Variants in MRAP2 observed in about 807,000 individuals in gnomAD.
MRAP2 encodes melanocortin 2 receptor accessory protein 2.
In MRAP2, 20 loss-of-function variants were observed where a neutral mutation model predicts 17.4. That is an observed-to-expected ratio of 1.15 (90% CI 0.81 to 1.67). MRAP2 has a LOEUF of 1.67. Among genes scored for constraint, MRAP2 ranks in the 40% most tolerant of loss-of-function variants. MRAP2 has a pLI of 0.00. For missense variants in MRAP2, 238 were observed against 240.0 expected (o/e 0.99, Z 0.05); for synonymous variants, 96 against 88.4 (o/e 1.09, Z -0.48).
chr6:84,130,279 T>C, the MRAP2 span, among the ~76,000 whole-genome samples: 11 of 152,218 alleles, frequency 7.2e-5, no homozygotes, highest in Non-Finnish European at 1.3e-4. Context: ...TTGAGGATTT[T>C]TGCATTGATG....
chr6:84,080,465 G>C (rs1382198501), intron 3 of MRAP2, among the ~76,000 whole-genome samples: 1 of 152,150 alleles, frequency 6.6e-6, no homozygotes, highest in Non-Finnish European at 1.5e-5. Flanking sequence ...ATTGTCCCTT[G>C]GTTCTGGGAT....
intron 1 of MRAP2, among the ~76,000 whole-genome samples, chr6:84,049,476 A>T (rs1224277265): frequency 6.6e-6 from 1 of 152,036 alleles, no homozygotes; most frequent in African/African-American, 2.4e-5. Context: ...ACAACAAAAA[A>T]CTTACTAGCC....
At chr6:84,073,493 G>A (rs1043134640) in intron 3 of MRAP2, among the ~76,000 whole-genome samples, 2 of 152,166 alleles carry the variant, frequency 1.3e-5, no homozygotes, top group Admixed American at 6.5e-5. Context: ...GGGTCCTCTT[G>A]GGATTGCTGG....
At chr6:84,069,790 G>C (rs758173376) in intron 3 of MRAP2, among the ~76,000 whole-genome samples, 101 of 152,130 alleles carry the variant, frequency 6.6e-4, no homozygotes, top group Non-Finnish European at 1.2e-3. Flanking sequence ...GGTCTGTTCA[G>C]GATATCTAGT....
chr6:84,034,158 G>A (rs1251022453), intron 1 of MRAP2, among the ~76,000 whole-genome samples: 1 of 152,102 alleles, frequency 6.6e-6, no homozygotes, highest in East Asian at 1.9e-4. Context: ...GCCTGGAAGC[G>A]GCGGCGCTCG....
At chr6:84,094,444 G>C (rs778595209), downstream of MRAP2, among the ~76,000 whole-genome samples, 1 of 152,010 alleles carries the variant, frequency 6.6e-6, no homozygotes, top group South Asian at 2.1e-4. Context: ...AAGAAACCAG[G>C]CCTCATCTTT....
rs145761372 is a variant in MRAP2 at position 84,089,152 on chromosome 6, C to T, written c.289C>T (p.Pro97Ser). The T allele has an allele frequency of 4.3e-5, 69 of 1,614,134 alleles. No homozygotes were observed. The African/African-American group carries it at 8.7e-4, about 20-fold the overall frequency. ...CAGCTTTGTGTCAGACTTTGGAAGA[C>T]CTCTGGAGCCAGATAAAGTATTTTC... ...MNSFVSDFGR[P>S]LEPDKVFSRQ... The change falls in exon 4 of 4, where the codon CCT becomes TCT. Residue 97 changes from proline to serine, a missense_variant. By Grantham distance (74) the Pro-to-Ser change is moderately conservative. Coordinates refer to ENST00000257776, the MANE Select transcript of MRAP2 (RefSeq NM_138409.4).
the MRAP2 span, among the ~76,000 whole-genome samples, chr6:84,142,406 ATGTGTG>A: frequency 1.3e-5 from 2 of 152,142 alleles, no homozygotes; most frequent in African/African-American, 4.8e-5. Context: ...ATCTATGTGT[ATGTGTG>A]TGTGTATATA....
At chr6:84,077,726 C>G (rs779272303) in intron 3 of MRAP2, among the ~76,000 whole-genome samples, 4 of 151,756 alleles carry the variant, frequency 2.6e-5, no homozygotes, top group African/African-American at 4.8e-5. Context: ...TGTATAAGGT[C>G]AATTGAAAGA....
chr6:84,063,315 G>A, intron 3 of MRAP2: 1 of 984,976 alleles, frequency 1.0e-6, no homozygotes, highest in Non-Finnish European at 1.2e-6. Context: ...TTCCCAAAAG[G>A]ATTTAGATGA....
chr6:84,105,460 A>G, the MRAP2 span, among the ~76,000 whole-genome samples: 1 of 152,126 alleles, frequency 6.6e-6, no homozygotes, highest in African/African-American at 2.4e-5. Context: ...AAACCATCAG[A>G]TCTCATGAGA....
chr6:84,042,898 A>AT (rs1450398226), intron 1 of MRAP2, among the ~76,000 whole-genome samples: 3 of 152,104 alleles, frequency 2.0e-5, no homozygotes, highest in Non-Finnish European at 4.4e-5. Flanking sequence ...TTACATTTCC[A>AT]TTTCTGTGGA....
intron 3 of MRAP2, among the ~76,000 whole-genome samples, chr6:84,072,698 GGGCAA>G (rs1197829038): frequency 4.6e-5 from 7 of 152,100 alleles, no homozygotes; most frequent in African/African-American, 1.7e-4. Context: ...CATCGGGTTG[GGGCAA>G]GGCTAGGCGT....
At chr6:84,138,240 A>G in the MRAP2 span, among the ~76,000 whole-genome samples, 2 of 152,218 alleles carry the variant, frequency 1.3e-5, no homozygotes, top group Admixed American at 6.5e-5. Flanking sequence ...AAAACAGCAC[A>G]AAATATTTGA....
intron 1 of MRAP2, among the ~76,000 whole-genome samples, chr6:84,034,131 C>T (rs529154669): frequency 1.8e-4 from 27 of 152,138 alleles, no homozygotes; most frequent in African/African-American, 6.3e-4. Context: ...GTGTGGACGC[C>T]GCTGGGCGTC....
At chr6:84,111,387 C>T in the MRAP2 span, among the ~76,000 whole-genome samples, 6,453 of 149,782 alleles carry the variant, frequency 0.043, 197 homozygotes, top group Admixed American at 0.086. Flanking sequence ...GGAGTTCACT[C>T]ATGATTTGGC....
the MRAP2 span, chr6:84,124,941 T>C: frequency 1.4e-6 from 1 of 720,214 alleles, no homozygotes; most frequent in East Asian, 2.7e-5. Flanking sequence ...TATTTTGAAA[T>C]GTTGCTTTGG....
chr6:84,134,919 T>TATATAC, the MRAP2 span, among the ~76,000 whole-genome samples: 1 of 148,256 alleles, frequency 6.7e-6, no homozygotes, highest in African/African-American at 2.5e-5. Context: ...AGATCATATA[T>TATATAC]ACACACACAC....
At chr6:84,145,268 G>T in the MRAP2 span, among the ~76,000 whole-genome samples, 1 of 152,062 alleles carries the variant, frequency 6.6e-6, no homozygotes, top group Non-Finnish European at 1.5e-5. Flanking sequence ...AAAATCTGAT[G>T]GCAAGCCTTT....
Sources: allele counts gnomAD v4.1 joint callset (sites outside exome capture counted in the v4.1 genomes callset), GRCh38; gene constraint gnomAD v4.1.1; transcripts MANE v1.5; gene names NCBI Gene and HGNC (gene_info 2026-07-23, HGNC 2026-07-21).